STAU2: variants seen among roughly 807,000 people sequenced by gnomAD.
STAU2 encodes staufen double-stranded RNA binding protein 2.
Under a neutral mutation model 65.9 loss-of-function variants are expected in STAU2, and 20 were observed. The observed-to-expected ratio is 0.30, with a 90% CI of 0.21 to 0.44. STAU2 has a LOEUF of 0.44. Ranked by LOEUF, STAU2 falls within the 20% of genes least tolerant of loss-of-function variation. STAU2 has a pLI of 1.00. For synonymous variants in STAU2, 232 were observed against 233.9 expected (o/e 0.99, Z 0.07); for missense variants, 558 against 683.9 (o/e 0.82, Z 2.05).
At chr8:73,674,755 C>A (rs949654528) in intron 5 of STAU2, among the ~76,000 whole-genome samples, 1 of 150,576 alleles carries the variant, frequency 6.6e-6, no homozygotes, top group Admixed American at 6.6e-5. Flanking sequence ...ATGTCAGAAA[C>A]AAAGGTTTTT....
intron 13 of STAU2, among the ~76,000 whole-genome samples, chr8:73,523,210 A>AG (rs199615128): frequency 0.33 from 48,127 of 145,388 alleles, 8,688 homozygotes; most frequent in African/African-American, 0.39. Flanking sequence ...AAAAAAAAAA[A>AG]AAAAAAAAAG....
At chr8:73,636,737 G>GTGC (rs1814544924) in intron 6 of STAU2, among the ~76,000 whole-genome samples, 1 of 151,288 alleles carries the variant, frequency 6.6e-6, no homozygotes, top group Non-Finnish European at 1.5e-5. Context: ...GTGGCACACA[G>GTGC]CTGTAATCCC....
chr8:73,562,768 G>A (rs544839315), intron 12 of STAU2, among the ~76,000 whole-genome samples: 3 of 151,842 alleles, frequency 2.0e-5, no homozygotes, highest in Non-Finnish European at 4.4e-5. Flanking sequence ...AGAAACTTAT[G>A]GAAGAATCCA....
intron 13 of STAU2, among the ~76,000 whole-genome samples, chr8:73,521,557 C>G (rs1316853464): frequency 6.6e-6 from 1 of 152,196 alleles, no homozygotes; most frequent in African/African-American, 2.4e-5. Flanking sequence ...TCCCAACTTA[C>G]AATGATTCAA....
chr8:73,552,236 G>C lies in STAU2; in HGVS notation c.1306C>G (p.Leu436Val), dbSNP rs774384695. ...SRHKVISGTTLGYLSPKDMNQ... is the reference protein window; with the variant it reads ...SRHKVISGTTVGYLSPKDMNQ... The stretch of plus-strand genomic sequence containing the variant: ...ATATCTTTGGGTGACAAATAGCCTA[G>C]AGTAGTGCCAGAGATTACTTTGTGG... Residue 436 changes from leucine (L) to valine (V), a missense_variant, in exon 13 of 15, where the codon CTA (leucine) becomes GTA (valine). This residue lies in a region of STAU2 where 247 missense variants were observed against 270.1 expected (regional missense o/e 0.91). Transcript: ENST00000524300. The C allele has an allele frequency of 3.7e-6, 6 of 1,613,866 alleles. No individual in the cohort carries two copies. Among genetic ancestry groups the C allele is most frequent in the South Asian group, 2.2e-5 (2 of 91,070 alleles).
chr8:73,476,653 G>GA (rs2128908305), intron 13 of STAU2, among the ~76,000 whole-genome samples: 2 of 152,304 alleles, frequency 1.3e-5, no homozygotes, highest in South Asian at 4.1e-4. Flanking sequence ...AACCATTGAT[G>GA]AAAATGAATT....
chr8:73,425,050 G>T (rs1006469233), intron 13 of STAU2, among the ~76,000 whole-genome samples: 4 of 152,176 alleles, frequency 2.6e-5, no homozygotes, highest in African/African-American at 9.7e-5. Flanking sequence ...GGTTTTGATG[G>T]GAGGTAGGCG....
chr8:73,746,995 C>A, upstream of STAU2: 1 of 431,420 alleles, frequency 2.3e-6, no homozygotes, highest in South Asian at 9.5e-5. Flanking sequence ...CCAGCACGCC[C>A]GGCCGGCGCG....
chr8:73,617,287 C>T lies in STAU2; in HGVS notation c.570+5G>A. ...AACAGACTGTCACATGCAGCAGCACCACACCTGAGGAGATCTTTCTGGAAT... is the reference window on the plus strand; with the variant it reads ...AACAGACTGTCACATGCAGCAGCACTACACCTGAGGAGATCTTTCTGGAAT... On this transcript the variant is annotated splice_donor_5th_base_variant and intron_variant, in intron 7 of 14. Coordinates refer to ENST00000524300, the MANE Select transcript of STAU2 (RefSeq NM_001164380.2). The T allele has an allele frequency of 6.2e-7, 1 of 1,613,352 alleles. No individual in the cohort carries two copies. The highest frequency in any genetic ancestry group is 1.7e-4 in the Middle Eastern group (1 of 5,988).
At chr8:73,738,599 A>G (rs1175743473) in intron 2 of STAU2, among the ~76,000 whole-genome samples, 3 of 152,216 alleles carry the variant, frequency 2.0e-5, no homozygotes, top group African/African-American at 7.2e-5. Flanking sequence ...ATTTTCTTTC[A>G]TGTTCACTTG....
chr8:73,686,650 G>T (rs1373350245), intron 5 of STAU2, among the ~76,000 whole-genome samples: 1 of 151,674 alleles, frequency 6.6e-6, no homozygotes, highest in Non-Finnish European at 1.5e-5. Flanking sequence ...CTGCATGGGT[G>T]ATGGGTGCAA....
Position 73,627,208 on chromosome 8 carries a change from CGGGGGGGGGGGGGGA to C in STAU2, c.411-9772_411-9758del, listed in dbSNP as rs1204599649. On this transcript the variant is annotated intron_variant, in intron 6 of 14. Coordinates refer to ENST00000524300, the MANE Select transcript of STAU2 (RefSeq NM_001164380.2). ...GTGGAGTGATGCTGCAGGAATACGG[CGGGGGGGGGGGGGGA>C]GGGGGGGGCAGGAGGGCGGGTTCCC... Among the ~76,000 whole-genome samples the C allele has an allele frequency of 3.1e-3, 7 of 2,268 alleles. 2 individuals are homozygous for C. Among genetic ancestry groups the C allele is most frequent in the Non-Finnish European group, 0.021 (3 of 146 alleles). 1.5% of individuals were successfully genotyped at this position (2,268 alleles called of 152,430 possible). A position where few individuals can be genotyped will look rare whatever the true frequency, so the allele number is the denominator to read the frequency against.
chr8:73,510,355 C>G (rs1822319084), intron 13 of STAU2, among the ~76,000 whole-genome samples: 1 of 152,154 alleles, frequency 6.6e-6, no homozygotes, highest in Non-Finnish European at 1.5e-5. Context: ...CAGGCGTGAG[C>G]CACCGCGCCT....
rs539292815 is a variant in STAU2, at chr8:73,447,508, T to A, written c.1531-24806A>T. 2.0e-5 allele frequency among the ~76,000 whole-genome samples: 3 copies of A among 152,348 alleles called. No homozygotes were observed. In the South Asian group the frequency reaches 6.2e-4, roughly 32 times the overall value. On this transcript the variant is annotated intron_variant, in intron 13 of 14. Transcript: ENST00000524300. ...CCAGTTCTTACCAAAAATGCTGCAA[T>A]GGATATTCCTCTACAAACATTTTGT... is the stretch of plus-strand genomic sequence containing the variant.
intron 1 of STAU2, chr8:73,742,224 C>T (rs1029795039): frequency 4.1e-6 from 4 of 984,366 alleles, no homozygotes; most frequent in African/African-American, 3.5e-5. Context: ...TTTATACTAC[C>T]TTTGGTTTCA....
In STAU2 at chr8:73,582,892, A is replaced by G. The variant is rs1356768107; in HGVS notation, c.1162-62T>C. On this transcript the variant is annotated intron_variant, in intron 11 of 14. Coordinates refer to ENST00000524300, the MANE Select transcript of STAU2 (RefSeq NM_001164380.2). The stretch of plus-strand genomic sequence containing the variant: ...CAAGCTTATTCAAAAAGAAAAAAAA[A>G]AAGGTGACCAATTAAGCAAAGGCAA... 1.0e-5 allele frequency: 16 copies of G among 1,525,806 alleles called. No homozygotes were observed. The East Asian group carries it at 3.4e-4, about 32-fold the overall frequency. The allele number at this position is 1,525,806 out of a possible 1,614,324, so 94.5% of individuals were successfully genotyped here. A position where few individuals can be genotyped will look rare whatever the true frequency, so the allele number is the denominator to read the frequency against.
intron 5 of STAU2, among the ~76,000 whole-genome samples, chr8:73,679,833 A>G (rs1206564906): frequency 6.6e-6 from 1 of 151,564 alleles, no homozygotes; most frequent in African/African-American, 2.4e-5. Flanking sequence ...GGCTGCAGTA[A>G]GCCAAGATCA....
intron 13 of STAU2, among the ~76,000 whole-genome samples, chr8:73,521,597 T>C (rs771759183): frequency 6.6e-6 from 1 of 152,212 alleles, no homozygotes; most frequent in South Asian, 2.1e-4. Context: ...AAAATGGTGA[T>C]ACACATTCAG....
At chr8:73,643,600 G>A (rs993872463) in intron 6 of STAU2, among the ~76,000 whole-genome samples, 1 of 152,104 alleles carries the variant, frequency 6.6e-6, no homozygotes, top group Non-Finnish European at 1.5e-5. Context: ...AAAAACAGGA[G>A]GTCCAGTGAG....
Sources: allele counts gnomAD v4.1 joint callset (sites outside exome capture counted in the v4.1 genomes callset), GRCh38; gene constraint gnomAD v4.1.1; regional missense constraint gnomAD v4.1.1; transcripts MANE v1.5; gene names NCBI Gene and HGNC (gene_info 2026-07-23, HGNC 2026-07-21).